The following ITPR1 variants were observed in gnomAD, a reference collection of about 807,000 sequenced individuals.
The protein encoded by ITPR1 is inositol 1,4,5-trisphosphate receptor type 1, also known as inositol 1,4,5-trisphosphate-gated calcium channel ITPR1.
In ITPR1, 96 loss-of-function variants were observed where a neutral mutation model predicts 318.4. That is an observed-to-expected ratio of 0.30 (90% CI 0.26 to 0.36). The LOEUF (loss-of-function observed/expected upper bound fraction) is 0.36. Among genes scored for constraint, ITPR1 ranks in the 10% least tolerant of loss-of-function variants. The probability of loss-of-function intolerance (pLI) is 1.00; values close to 1 mark genes in which losing one functional copy is unlikely to be tolerated. For synonymous variants in ITPR1, 1,312 were observed against 1,289.9 expected, an observed-to-expected ratio of 1.02 and a Z score of -0.37; for missense variants, 2,440 against 3,460.2, an observed-to-expected ratio of 0.71 and a Z score of 7.40.
intron 2 of ITPR1, among the ~76,000 whole-genome samples, chr3:4,508,455 G>GTTT (rs4054897): frequency 0.02 from 2,537 of 125,652 alleles, 89 homozygotes; most frequent in African/African-American, 0.071. Context: ...GAAAATCAAG[G>GTTT]TTTTTTTTTT....
chr3:4,551,980 GTCTTTAA>G (rs1470618660), intron 4 of ITPR1, among the ~76,000 whole-genome samples: 1 of 152,200 alleles, frequency 6.6e-6, no homozygotes, highest in Non-Finnish European at 1.5e-5. Flanking sequence ...AAACAGGCTT[GTCTTTAA>G]TCTAGGTCTC....
chr3:4,493,884 TTC>T (rs2080335498), intron 1 of ITPR1, among the ~76,000 whole-genome samples: 1 of 135,020 alleles, frequency 7.4e-6, no homozygotes, highest in Non-Finnish European at 1.6e-5. Context: ...CAGGAAATAG[TTC>T]TTTTTTTTTT....
chr3:4,825,818 G>A (rs1453557576), intron 60 of ITPR1: 2 of 456,828 alleles, frequency 4.4e-6, no homozygotes, highest in Non-Finnish European at 8.8e-6. Flanking sequence ...CCAGCCAGAG[G>A]CAACGCAAGG....
rs2046709998 is a variant in ITPR1, at chr3:4,779,844, ATTACTTTCAATGGCAAAACCACTATTAC to A, written c.6387+202_6387+229del. 6.7e-6 allele frequency among the ~76,000 whole-genome samples: 1 copy of A among 148,306 alleles called. No homozygotes were observed. The highest frequency in any genetic ancestry group is 1.5e-5 in the Non-Finnish European group (1 of 67,084). ...TGCAAAAGTAATCGCGGTTTTTGCT[ATTACTTTCAATGGCAAAACCACTATTAC>A]TTTTGCCGTTGAAAGTAATGGCAAA... On this transcript the variant is annotated intron_variant, in intron 49 of 61. Transcript: ENST00000649015. This position sits in a 1 kb window ranked among gnomAD's most constrained non-coding sequence, Gnocchi z 4.0.
At chr3:4,684,256 C>G in intron 28 of ITPR1, 25 bp from the exon 29 acceptor site, 1 of 1,542,276 alleles carries the variant, frequency 6.5e-7, no homozygotes, top group South Asian at 1.1e-5. Context: ...GTACAGATCA[C>G]ACTTGTGTTC....
intron 39 of ITPR1, among the ~76,000 whole-genome samples, chr3:4,713,685 C>T (rs961949122): frequency 3.9e-5 from 6 of 152,204 alleles, no homozygotes; most frequent in African/African-American, 1.4e-4. Flanking sequence ...TGAGAGGACC[C>T]TCAAAGGAGA....
chr3:4,769,909 C>G (rs1293245656), intron 46 of ITPR1, among the ~76,000 whole-genome samples: 1 of 152,222 alleles, frequency 6.6e-6, no homozygotes, highest in Non-Finnish European at 1.5e-5. Context: ...CCCTCACTGC[C>G]CAGGAGAAGT....
chr3:4,750,960 G>C (rs1022734569), intron 44 of ITPR1: 2 of 152,880 alleles, frequency 1.3e-5, no homozygotes, highest in African/African-American at 4.8e-5. Flanking sequence ...CCCTCCATGA[G>C]AGAGACCTAT....
chr3:4,802,526 A>C (rs2048296754), intron 54 of ITPR1, among the ~76,000 whole-genome samples: 3 of 152,112 alleles, frequency 2.0e-5, no homozygotes, highest in South Asian at 4.1e-4. Context: ...GGACGTCAGA[A>C]ATGGGAAGGA....
At chr3:4,658,004 T>C (rs755193357) in intron 12 of ITPR1, 120 bp from the exon 13 acceptor site, 1 of 951,762 alleles carries the variant, frequency 1.1e-6, no homozygotes, top group African/African-American at 1.7e-5. Context: ...GTGGTCCTTT[T>C]CCTGCCAACT....
In ITPR1 at chr3:4,674,342, A is replaced by C; in HGVS notation, c.2597A>C (p.Glu866Ala). Reference protein sequence around the residue: ...SDKEKNKLTFEVVNLARNLIY... With the variant: ...SDKEKNKLTFAVVNLARNLIY... Reference sequence around the variant, plus strand: ...AAAGAGAAGAATAAGCTTACGTTTGAGGTAACTCATGATGAAATCTTCTAT... The same window carrying C: ...AAAGAGAAGAATAAGCTTACGTTTGCGGTAACTCATGATGAAATCTTCTAT... Residue 866 changes from glutamate (E) to alanine (A), a missense_variant and splice_region_variant, in exon 22 of 62, where the codon GAG (glutamate) becomes GCG (alanine). Glu to Ala is a moderately radical substitution (Grantham distance 107). Around this residue, in one of 23 missense-constraint regions of ITPR1, gnomAD observed 478 missense variants for 696.3 expected, o/e 0.69. Transcript: ENST00000649015. The C allele has an allele frequency of 6.2e-7, 1 of 1,604,912 alleles. No homozygotes were observed. The highest frequency in any genetic ancestry group is 8.5e-7 in the Non-Finnish European group (1 of 1,175,908).
In ITPR1 at chr3:4,670,873, T is replaced by C. The variant is rs755736998; in HGVS notation, c.2151T>C (p.Ala717=). Reference sequence around the variant, plus strand: ...GCAGCAAGAGTGTGAGGGAATTGGCTCAGGATGCTAAAGAAGGGCAGAAGG... The same window carrying C: ...GCAGCAAGAGTGTGAGGGAATTGGCCCAGGATGCTAAAGAAGGGCAGAAGG... ...EIRSKSVREL[A]QDAKEGQKED... The change falls in exon 20 of 62, where the codon GCT becomes GCC. Residue 717 remains alanine (A), a synonymous_variant. Coordinates refer to ENST00000649015, the MANE Select transcript of ITPR1 (RefSeq NM_001378452.1). 3 of 1,607,796 alleles carry C rather than the reference T, an allele frequency of 1.9e-6. No individual in the cohort carries two copies. Among genetic ancestry groups the C allele is most frequent in the African/African-American group, 1.3e-5 (1 of 74,768 alleles).
chr3:4,772,274 T>G (rs958726121), intron 46 of ITPR1, among the ~76,000 whole-genome samples: 2 of 152,180 alleles, frequency 1.3e-5, no homozygotes, highest in African/African-American at 4.8e-5. Flanking sequence ...AGCTTCCTGG[T>G]GTAAAGCAGC....
chr3:4,623,189 A>G (rs1181350166), intron 4 of ITPR1, among the ~76,000 whole-genome samples: 1 of 152,176 alleles, frequency 6.6e-6, no homozygotes, highest in African/African-American at 2.4e-5. Flanking sequence ...ACTCATCTAT[A>G]AAGCAGTTGA....
At chr3:4,578,790 T>G (rs2088970417) in intron 4 of ITPR1, among the ~76,000 whole-genome samples, 1 of 152,228 alleles carries the variant, frequency 6.6e-6, no homozygotes, top group African/African-American at 2.4e-5. Context: ...TTCTTATTGT[T>G]GATTTTTAAT....
chr3:4,573,428 G>A (rs116374218), intron 4 of ITPR1, among the ~76,000 whole-genome samples: 21 of 152,212 alleles, frequency 1.4e-4, no homozygotes, highest in Admixed American at 5.9e-4. Context: ...TGGTCTCCTG[G>A]TCTCAATCCT....
chr3:4,789,640 G>A (rs1458172632), intron 52 of ITPR1, among the ~76,000 whole-genome samples: 1 of 148,456 alleles, frequency 6.7e-6, no homozygotes, highest in Non-Finnish European at 1.5e-5. Flanking sequence ...TGTTTTTTGA[G>A]ACAGAGTCTT....
chr3:4,749,496 G>T (rs1283431649), intron 44 of ITPR1: 1 of 152,158 alleles, frequency 6.6e-6, no homozygotes, highest in Non-Finnish European at 1.5e-5. Flanking sequence ...GAATGCTTAA[G>T]TGGGGCCTCC....
intron 11 of ITPR1, among the ~76,000 whole-genome samples, chr3:4,653,234 G>A (rs1466205378): frequency 6.6e-6 from 1 of 152,160 alleles, no homozygotes; most frequent in Non-Finnish European, 1.5e-5. Context: ...CAAGGTGATG[G>A]TGGGTGTCAG....
Sources: gnomAD v4.1 joint callset for allele counts (sites outside exome capture counted in the v4.1 genomes callset) on GRCh38, gnomAD v4.1.1 for gene constraint, gnomAD v4.1.1 regional missense constraint, Gnocchi (gnomAD v3.1) non-coding constraint, MANE v1.5 for transcripts, NCBI Gene and HGNC (gene_info 2026-07-23, HGNC 2026-07-21) for gene names.